The following CPA6 variants were observed in gnomAD, a reference collection of about 807,000 sequenced individuals.
The protein encoded by CPA6 is carboxypeptidase A6.
A neutral mutation model predicts 63.3 loss-of-function variants in CPA6; 58 were observed. The observed-to-expected ratio is 0.92, with a 90% CI of 0.74 to 1.14. The LOEUF (loss-of-function observed/expected upper bound fraction) is 1.14. Among genes scored for constraint, CPA6 ranks in the 50% most tolerant of loss-of-function variants. CPA6 has a pLI of 0.00. For missense variants in CPA6, 565 were observed against 526.6 expected (o/e 1.07, Z -0.71); for synonymous variants, 185 against 179.0 (o/e 1.03, Z -0.27).
chr8:67,710,667 C>T (rs1817240942), intron 1 of CPA6, among the ~76,000 whole-genome samples: 1 of 151,490 alleles, frequency 6.6e-6, no homozygotes, highest in South Asian at 2.1e-4. Context: ...GAATGTTCAA[C>T]CTCCCTTCCT....
At chr8:67,635,483 A>G (rs1247222578) in intron 1 of CPA6, among the ~76,000 whole-genome samples, 2 of 151,684 alleles carry the variant, frequency 1.3e-5, no homozygotes, top group Non-Finnish European at 2.9e-5. Context: ...TAAAAGAAAA[A>G]GGGGCTGGGC....
At chr8:67,643,671 G>A (rs1323782797) in intron 1 of CPA6, among the ~76,000 whole-genome samples, 1 of 152,170 alleles carries the variant, frequency 6.6e-6, no homozygotes, top group Non-Finnish European at 1.5e-5. Flanking sequence ...TACCTTGGCA[G>A]TGTTTCACAT....
chr8:67,595,850 C>T (rs1035522725), intron 2 of CPA6, among the ~76,000 whole-genome samples: 1 of 152,200 alleles, frequency 6.6e-6, no homozygotes, highest in African/African-American at 2.4e-5. Context: ...TGAGGCAATG[C>T]CTCGCCCTGC....
intron 8 of CPA6, among the ~76,000 whole-genome samples, chr8:67,464,493 T>TA (rs1810882632): frequency 1.3e-5 from 2 of 152,244 alleles, no homozygotes; most frequent in African/African-American, 4.8e-5. Flanking sequence ...ATTGATAGTT[T>TA]CTTTTGCTGT....
intron 1 of CPA6, among the ~76,000 whole-genome samples, chr8:67,743,635 A>ATT (rs34308089): frequency 2.7e-5 from 4 of 150,088 alleles, no homozygotes; most frequent in South Asian, 2.1e-4. Context: ...TCCCAAGGCA[A>ATT]TTTTTTTTTT....
At chr8:67,682,947 G>A (rs550048393) in intron 1 of CPA6, among the ~76,000 whole-genome samples, 61 of 152,264 alleles carry the variant, frequency 4.0e-4, no homozygotes, top group Non-Finnish European at 7.4e-4. Flanking sequence ...ATACTTAGCC[G>A]GAAGACCTGG....
intron 1 of CPA6, among the ~76,000 whole-genome samples, chr8:67,714,279 A>G (rs1270399924): frequency 6.6e-6 from 1 of 152,202 alleles, no homozygotes; most frequent in Non-Finnish European, 1.5e-5. Context: ...ATCAGAGTGG[A>G]AAGCGACTAA....
intron 2 of CPA6, among the ~76,000 whole-genome samples, chr8:67,602,262 T>A (rs182569676): frequency 5.9e-5 from 9 of 152,316 alleles, no homozygotes; most frequent in African/African-American, 2.2e-4. Flanking sequence ...TGTCTATCTG[T>A]TATCTTCTTG....
chr8:67,438,065 C>T (rs990664813), intron 8 of CPA6, among the ~76,000 whole-genome samples: 3 of 152,084 alleles, frequency 2.0e-5, no homozygotes, highest in African/African-American at 7.2e-5. Context: ...TACAGGCACC[C>T]TGCCACCACA....
At chr8:67,519,695 G>T (rs1812221217) in intron 2 of CPA6, among the ~76,000 whole-genome samples, 1 of 152,200 alleles carries the variant, frequency 6.6e-6, no homozygotes, top group South Asian at 2.1e-4. Context: ...ACGGAAGTGT[G>T]AGGCTGGAAG....
At chr8:67,575,492 A>C (rs1354657499) in intron 2 of CPA6, among the ~76,000 whole-genome samples, 8 of 152,248 alleles carry the variant, frequency 5.3e-5, no homozygotes, top group Admixed American at 5.2e-4. Flanking sequence ...CTAAGTGTCC[A>C]TCACTGATGA....
intron 1 of CPA6, among the ~76,000 whole-genome samples, chr8:67,689,545 A>G (rs1454033768): frequency 1.3e-5 from 2 of 152,152 alleles, no homozygotes; most frequent in Non-Finnish European, 2.9e-5. Flanking sequence ...CTGTTCTTGC[A>G]TTAATTTGTT....
intron 6 of CPA6, among the ~76,000 whole-genome samples, chr8:67,503,413 C>T (rs1337148444): frequency 6.6e-6 from 1 of 151,928 alleles, no homozygotes; most frequent in Non-Finnish European, 1.5e-5. Flanking sequence ...CCTCCCTCCT[C>T]AGCCTCTGGA....
chr8:67,565,129 G>A (rs898467266), intron 2 of CPA6, among the ~76,000 whole-genome samples: 2 of 151,958 alleles, frequency 1.3e-5, no homozygotes, highest in Non-Finnish European at 2.9e-5. Context: ...CAATGAGAGA[G>A]CAAGAATTGG....
chr8:67,744,135 A>G (rs2129004711), intron 1 of CPA6, among the ~76,000 whole-genome samples: 1 of 152,324 alleles, frequency 6.6e-6, no homozygotes, highest in Non-Finnish European at 1.5e-5. Context: ...TGACATGTCT[A>G]ATGAAGGTAG....
chr8:67,454,255 C>T (rs1810621321), intron 8 of CPA6, among the ~76,000 whole-genome samples: 1 of 152,184 alleles, frequency 6.6e-6, no homozygotes, highest in Non-Finnish European at 1.5e-5. Flanking sequence ...TTTTGGGGCA[C>T]TATCTAGGTT....
intron 2 of CPA6, among the ~76,000 whole-genome samples, chr8:67,523,404 C>T (rs1812299585): frequency 6.6e-6 from 1 of 152,048 alleles, no homozygotes; most frequent in Non-Finnish European, 1.5e-5. Flanking sequence ...TGGTGGTCAC[C>T]TGTAGTCCCA....
intron 1 of CPA6, among the ~76,000 whole-genome samples, chr8:67,717,572 A>G (rs1362448462): frequency 6.6e-6 from 1 of 152,256 alleles, no homozygotes; most frequent in Non-Finnish European, 1.5e-5. Flanking sequence ...TTATGATTTA[A>G]GAGCTTAACT....
intron 2 of CPA6, among the ~76,000 whole-genome samples, chr8:67,519,630 G>A (rs973314178): frequency 3.9e-5 from 6 of 152,186 alleles, no homozygotes; most frequent in African/African-American, 1.2e-4. Context: ...TCCTCCACTC[G>A]CTTGCAAGGG....
Sources: allele counts gnomAD v4.1 joint callset (sites outside exome capture counted in the v4.1 genomes callset), GRCh38; gene constraint gnomAD v4.1.1; transcripts MANE v1.5; gene names NCBI Gene and HGNC (gene_info 2026-07-23, HGNC 2026-07-21).